DPP10: variants seen among roughly 807,000 people sequenced by gnomAD.
DPP10 encodes dipeptidyl peptidase like 10.
DPP10 carries 33 observed loss-of-function variants against 120.9 expected under a neutral mutation model. That is an observed-to-expected ratio of 0.27 (90% CI 0.21 to 0.37). The LOEUF (loss-of-function observed/expected upper bound fraction) is 0.37, where lower values mean the gene tolerates loss of function less well. DPP10 is among the 10% of genes least tolerant of loss of function. The probability of loss-of-function intolerance (pLI) is 1.00; values close to 1 mark genes in which losing one functional copy is unlikely to be tolerated. For synonymous variants in DPP10, 337 were observed against 326.1 expected (o/e 1.03, Z -0.36); for missense variants, 816 against 942.8 (o/e 0.87, Z 1.76).
Position 115,027,901 on chromosome 2 carries a change from A to T in DPP10, c.61-281338A>T, listed in dbSNP as rs528170196. ...CAGGTTTTCCAGTTTATTGGTGTAT[A>T]GTTGTTCATATGTCTCTAACGATTC... On this transcript the variant is annotated intron_variant, in intron 1 of 25. Transcript: ENST00000410059. Among the ~76,000 whole-genome samples, 35 of 151,662 alleles carry T rather than the reference A, an allele frequency of 2.3e-4. 1 individual carries two copies. The South Asian group carries it at 6.0e-3, about 26-fold the overall frequency.
At chr2:115,402,850 A>ATATATAT (rs1553584327) in intron 3 of DPP10, among the ~76,000 whole-genome samples, 2 of 57,998 alleles carry the variant, frequency 3.4e-5, no homozygotes, top group Non-Finnish European at 7.7e-5. Context: ...AGGAAAAAAA[A>ATATATAT]AAAAATATAT....
chr2:115,533,022 T>C lies in DPP10; in HGVS notation c.441+7050T>C, dbSNP rs139627981. Among the ~76,000 whole-genome samples the C allele has an allele frequency of 3.5e-3, 530 of 152,098 alleles. 2 individuals carry two copies. The highest frequency in any genetic ancestry group is 0.012 in the African/African-American group (493 of 41,528). On this transcript the variant is annotated intron_variant, in intron 5 of 25. Coordinates refer to ENST00000410059, the MANE Select transcript of DPP10 (RefSeq NM_020868.6). ...AGGACAAACATGAAGTAAGGAGAAA[T>C]CAATTTTTTTAAAATTTTTAAACAA...
chr2:115,013,926 A>G (rs1026845120), intron 1 of DPP10, among the ~76,000 whole-genome samples: 29 of 152,130 alleles, frequency 1.9e-4, no homozygotes, highest in African/African-American at 6.3e-4. Flanking sequence ...TCAATTTTAG[A>G]CAGATCAATG....
At chr2:114,861,047 A>G (rs1302284475) in intron 1 of DPP10, among the ~76,000 whole-genome samples, 1 of 152,202 alleles carries the variant, frequency 6.6e-6, no homozygotes, top group Non-Finnish European at 1.5e-5. Flanking sequence ...CCACGCTTTC[A>G]AACTTTACAA....
intron 1 of DPP10, among the ~76,000 whole-genome samples, chr2:115,132,670 C>T (rs754329640): frequency 1.4e-4 from 22 of 152,076 alleles, no homozygotes; most frequent in Non-Finnish European, 2.9e-4. Flanking sequence ...GTGTGTCCAA[C>T]CTCCCTTCCA....
chr2:115,284,234 C>A (rs1413287824), intron 1 of DPP10, among the ~76,000 whole-genome samples: 1 of 151,912 alleles, frequency 6.6e-6, no homozygotes, highest in South Asian at 2.1e-4. Context: ...TAGTGATATA[C>A]CCTATTCGCT....
intron 2 of DPP10, among the ~76,000 whole-genome samples, chr2:115,343,056 A>G (rs1012812530): frequency 1.3e-5 from 2 of 152,188 alleles, no homozygotes; most frequent in African/African-American, 4.8e-5. Context: ...GCAAATAAAC[A>G]ATGTTATTAT....
chr2:115,422,334 T>C (rs1469399128), intron 3 of DPP10, among the ~76,000 whole-genome samples: 1 of 152,236 alleles, frequency 6.6e-6, no homozygotes, highest in African/African-American at 2.4e-5. Flanking sequence ...AGCTGTTTGT[T>C]TCAACCTGGG....
intron 9 of DPP10, among the ~76,000 whole-genome samples, chr2:115,744,109 A>G (rs1677644406): frequency 6.6e-6 from 1 of 150,710 alleles, no homozygotes; most frequent in Non-Finnish European, 1.5e-5. Context: ...TTTTGTAAAA[A>G]CAGATTTGTA....
At chr2:115,022,622 T>C (rs1231382973) in intron 1 of DPP10, among the ~76,000 whole-genome samples, 1 of 151,652 alleles carries the variant, frequency 6.6e-6, no homozygotes, top group Admixed American at 6.6e-5. Context: ...AATACCACCA[T>C]CGTTCTCCAC....
chr2:115,004,339 A>G (rs1701654984), intron 1 of DPP10, among the ~76,000 whole-genome samples: 1 of 151,754 alleles, frequency 6.6e-6, no homozygotes, highest in South Asian at 2.1e-4. Context: ...TAGCATATAG[A>G]AAAGACAAAT....
At chr2:115,837,900 G>A (rs926680314) in intron 24 of DPP10, among the ~76,000 whole-genome samples, 2 of 151,452 alleles carry the variant, frequency 1.3e-5, no homozygotes, top group Admixed American at 1.3e-4. Flanking sequence ...AAGACATGAT[G>A]TCTAAATATA....
intron 1 of DPP10, among the ~76,000 whole-genome samples, chr2:114,566,259 A>C (rs1689192554): frequency 6.6e-6 from 1 of 152,222 alleles, no homozygotes; most frequent in African/African-American, 2.4e-5. Flanking sequence ...AAAGGAGCTC[A>C]GCCATATTAA....
chr2:114,515,777 A>G (rs912201318), intron 1 of DPP10, among the ~76,000 whole-genome samples: 1 of 150,454 alleles, frequency 6.6e-6, no homozygotes, highest in African/African-American at 2.4e-5. Flanking sequence ...TTGATCCACA[A>G]TTCTGTATAA....
intron 11 of DPP10, among the ~76,000 whole-genome samples, chr2:115,757,783 A>T (rs199627738): frequency 4.7e-4 from 50 of 107,460 alleles, no homozygotes; most frequent in Non-Finnish European, 5.1e-4. Flanking sequence ...TCAATATAAT[A>T]TATTAAGAAA....
chr2:115,080,915 A>G (rs1472236189), intron 1 of DPP10, among the ~76,000 whole-genome samples: 4 of 152,178 alleles, frequency 2.6e-5, no homozygotes, highest in Non-Finnish European at 5.9e-5. Flanking sequence ...ATTCTCTTTT[A>G]GTGCATTAAA....
chr2:114,559,569 C>A (rs1032404026), intron 1 of DPP10, among the ~76,000 whole-genome samples: 1 of 152,132 alleles, frequency 6.6e-6, no homozygotes, highest in African/African-American at 2.4e-5. Flanking sequence ...GAAACTCATA[C>A]ACTTAGTTCC....
At chr2:115,296,335 C>T (rs982490256) in intron 1 of DPP10, among the ~76,000 whole-genome samples, 6 of 152,074 alleles carry the variant, frequency 3.9e-5, no homozygotes, top group Admixed American at 1.3e-4. Flanking sequence ...CTTGAAGCTG[C>T]AGTGCCACTT....
At chr2:114,756,957 A>G (rs1253782678) in intron 1 of DPP10, among the ~76,000 whole-genome samples, 1 of 152,156 alleles carries the variant, frequency 6.6e-6, no homozygotes, top group East Asian at 1.9e-4. Context: ...GAGGTTACAC[A>G]GTCCTCAAGG....
Sources: allele counts gnomAD v4.1 joint callset (sites outside exome capture counted in the v4.1 genomes callset), GRCh38; gene constraint gnomAD v4.1.1; transcripts MANE v1.5; gene names NCBI Gene and HGNC (gene_info 2026-07-23, HGNC 2026-07-21).